ESRRB: variants seen among roughly 807,000 people sequenced by gnomAD.
The protein encoded by ESRRB is steroid hormone receptor ERR2.
ESRRB carries 16 observed loss-of-function variants against 46.0 expected under a neutral mutation model. The observed-to-expected ratio is 0.35, with a 90% CI of 0.24 to 0.53. The LOEUF is 0.53. Among genes scored for constraint, ESRRB ranks in the 20% least tolerant of loss-of-function variants. The probability of loss-of-function intolerance (pLI) is 0.93; values close to 1 mark genes in which losing one functional copy is unlikely to be tolerated. For synonymous variants in ESRRB, 246 were observed against 259.6 expected (o/e 0.95, Z 0.50); for missense variants, 488 against 607.4 (o/e 0.80, Z 2.07).
chr14:76,449,415 G>A (rs1175677210), intron 2 of ESRRB, among the ~76,000 whole-genome samples: 4 of 152,104 alleles, frequency 2.6e-5, no homozygotes, highest in Non-Finnish European at 5.9e-5. Flanking sequence ...GCTTGGCATG[G>A]TGGCACATGC....
At chr14:76,391,757 C>A (rs996407522) in intron 1 of ESRRB, among the ~76,000 whole-genome samples, 34 of 152,248 alleles carry the variant, frequency 2.2e-4, no homozygotes, top group African/African-American at 6.7e-4. Context: ...TGGGGTGCAC[C>A]ACTAGTGGGT....
intron 1 of ESRRB, among the ~76,000 whole-genome samples, chr14:76,333,746 G>A (rs956056046): frequency 8.6e-5 from 13 of 151,676 alleles, no homozygotes; most frequent in African/African-American, 1.9e-4. Flanking sequence ...AATTATCACC[G>A]AAATACTTTA....
chr14:76,462,821 C>A (rs928584229), intron 3 of ESRRB, among the ~76,000 whole-genome samples, 160 bp downstream of exon 3: 1 of 152,196 alleles, frequency 6.6e-6, no homozygotes, highest in Non-Finnish European at 1.5e-5. Flanking sequence ...CCACGGCGCC[C>A]GCATGGCTCT....
In ESRRB at chr14:76,499,522, C is replaced by T. The variant is rs1424670409; in HGVS notation, c.*1064C>T. On this transcript the variant is annotated 3_prime_UTR_variant, in exon 7 of 7. Transcript: ENST00000644823. ...GAGGGAACTCAGCGGGGTGGCCTGC[C>T]TCATCCTTCCTGGCTTCCCTTCCCT... is the stretch of plus-strand genomic sequence containing the variant. 9.7e-6 allele frequency: 4 copies of T among 413,686 alleles called. No individual in the cohort carries two copies. The highest frequency in any genetic ancestry group is 1.8e-5 in the Non-Finnish European group (4 of 219,774). 25.6% of individuals were successfully genotyped at this position (413,686 alleles called of 1,614,324 possible).
intron 3 of ESRRB, among the ~76,000 whole-genome samples, chr14:76,473,008 A>C (rs1889432544): frequency 1.3e-5 from 2 of 152,314 alleles, no homozygotes; most frequent in Middle Eastern, 3.4e-3. Flanking sequence ...TAAGTCCTCA[A>C]AGTCTGTGCC....
chr14:76,494,849 G>C (rs1193965521), intron 6 of ESRRB, among the ~76,000 whole-genome samples: 1 of 152,146 alleles, frequency 6.6e-6, no homozygotes, highest in Non-Finnish European at 1.5e-5. Flanking sequence ...TGGAGGTCAA[G>C]CCCTCTATTC....
At chr14:76,343,502 C>A (rs748974488) in intron 1 of ESRRB, among the ~76,000 whole-genome samples, 5 of 152,216 alleles carry the variant, frequency 3.3e-5, no homozygotes, top group Non-Finnish European at 5.9e-5. Flanking sequence ...TGTCACCACA[C>A]CTTGCAGTAT....
intron 1 of ESRRB, among the ~76,000 whole-genome samples, chr14:76,321,320 C>T (rs918442064): frequency 2.6e-5 from 4 of 152,174 alleles, no homozygotes; most frequent in Non-Finnish European, 4.4e-5. Context: ...TCCAGGTAAT[C>T]TCGGGTCTTT....
rs563684480 is a variant in ESRRB, at chr14:76,391,382, T to C, written c.50+14931T>C. Among the ~76,000 whole-genome samples the C allele has an allele frequency of 8.5e-5, 13 of 152,338 alleles. No individual in the cohort carries two copies. The South Asian group carries it at 2.7e-3, about 32-fold the overall frequency. ...AGGAGGGGCAGTTCAGTGACTCAGA[T>C]ACACACAGTTCCCAGCCCAGCCCTT... is the stretch of plus-strand genomic sequence containing the variant. On this transcript the variant is annotated intron_variant, in intron 1 of 6. Transcript: ENST00000644823.
intron 1 of ESRRB, among the ~76,000 whole-genome samples, chr14:76,342,191 C>T (rs1477584588): frequency 6.6e-6 from 1 of 152,204 alleles, no homozygotes; most frequent in African/African-American, 2.4e-5. Flanking sequence ...AAGGGCCCCA[C>T]TGGGTGGCAT....
intron 1 of ESRRB, among the ~76,000 whole-genome samples, chr14:76,387,304 T>TG (rs1011458464): frequency 4.6e-5 from 7 of 152,234 alleles, no homozygotes; most frequent in Non-Finnish European, 8.8e-5. Flanking sequence ...TTAAGCCTGA[T>TG]GCCCTCACAG....
chr14:76,389,773 T>C (rs554474590), intron 1 of ESRRB, among the ~76,000 whole-genome samples: 3 of 152,290 alleles, frequency 2.0e-5, no homozygotes, highest in African/African-American at 7.2e-5. Flanking sequence ...TTATTAAAAA[T>C]TAAATGGTAT....
chr14:76,420,558 A>AGTGTGTGTGTGAGTGTGTGTGT (rs549231888), intron 1 of ESRRB, among the ~76,000 whole-genome samples: 10 of 142,362 alleles, frequency 7.0e-5, no homozygotes, highest in African/African-American at 2.4e-4. Flanking sequence ...ACAGGGTGTG[A>AGTGTGTGTGTGAGTGTGTGTGT]GTGTGTGTGT....
At chr14:76,364,462 G>A (rs150541571) in intron 1 of ESRRB, among the ~76,000 whole-genome samples, 10 of 152,252 alleles carry the variant, frequency 6.6e-5, no homozygotes, top group Admixed American at 6.5e-5. Context: ...GCCGAGGTGG[G>A]TGGATCACCT....
At chr14:76,483,692 G>A (rs2140034310) in intron 5 of ESRRB, among the ~76,000 whole-genome samples, 1 of 152,314 alleles carries the variant, frequency 6.6e-6, no homozygotes, top group Non-Finnish European at 1.5e-5. Context: ...GAGTGTGGTA[G>A]AAACATCCTT....
intron 2 of ESRRB, among the ~76,000 whole-genome samples, chr14:76,459,360 G>A (rs996339506): frequency 6.6e-6 from 1 of 152,176 alleles, no homozygotes; most frequent in Admixed American, 6.5e-5. Context: ...CAACACAGGG[G>A]ACATTAATGG....
intron 1 of ESRRB, among the ~76,000 whole-genome samples, chr14:76,426,388 G>T (rs966000725): frequency 4.6e-5 from 7 of 152,230 alleles, no homozygotes; most frequent in Admixed American, 3.9e-4. Flanking sequence ...AACTGCCAGG[G>T]TGACTGGGAA....
At chr14:76,394,745 G>A (rs17104410) in intron 1 of ESRRB, among the ~76,000 whole-genome samples, 5,857 of 152,190 alleles carry the variant, frequency 0.038, 163 homozygotes, top group East Asian at 0.14. Context: ...GGGGTTCTGA[G>A]TACCTAAATG....
At chr14:76,485,663 GAA>G (rs879682959) in intron 5 of ESRRB, among the ~76,000 whole-genome samples, 26 of 150,806 alleles carry the variant, frequency 1.7e-4, no homozygotes, top group East Asian at 9.8e-4. Context: ...GAGAGAGAAA[GAA>G]AGAGAGAGAG....
Sources: allele counts gnomAD v4.1 joint callset (sites outside exome capture counted in the v4.1 genomes callset), GRCh38; gene constraint gnomAD v4.1.1; transcripts MANE v1.5; gene names NCBI Gene and HGNC (gene_info 2026-07-23, HGNC 2026-07-21).